PHF2: variants seen among roughly 807,000 people sequenced by gnomAD.
PHF2 encodes the protein PHD finger protein 2.
Under a neutral mutation model 120.5 loss-of-function variants are expected in PHF2, and 27 were observed. That is an observed-to-expected ratio of 0.22 (90% CI 0.17 to 0.31). The LOEUF is 0.31. PHF2 is among the 10% of genes least tolerant of loss of function. PHF2 has a pLI of 1.00. For synonymous variants in PHF2, 568 were observed against 592.5 expected, an observed-to-expected ratio of 0.96 and a Z score of 0.60; for missense variants, 1,024 against 1,434.8, an observed-to-expected ratio of 0.71 and a Z score of 4.63.
At chr9:93,619,241 G>T (rs117336374) in intron 1 of PHF2, among the ~76,000 whole-genome samples, 2,625 of 152,170 alleles carry the variant, frequency 0.017, 74 homozygotes, top group East Asian at 0.11. Context: ...CTCCTGGGAG[G>T]TCACAAGCTG....
In PHF2 at chr9:93,676,773, G is replaced by C. The variant is rs760792424; in HGVS notation, c.3012G>C (p.Ser1004=). 6.5e-7 allele frequency: 1 copy of C among 1,548,192 alleles called. No homozygotes were observed. The highest frequency in any genetic ancestry group is 8.7e-7 in the Non-Finnish European group (1 of 1,146,658). ...CCAGCACGGCCAGCAGCCAGGCCTC[G>C]CAGGAGGGCAGCTCGCCAGAGCCCC... is the stretch of plus-strand genomic sequence containing the variant. The part of the protein sequence containing the change: ...ASTSTASSQA[S]QEGSSPEPPP... Residue 1004 remains serine (S), a synonymous_variant, in exon 21 of 22, where the codon TCG becomes TCC. Transcript: ENST00000359246.
Position 93,678,043 on chromosome 9 carries a change from C to T in PHF2, c.*367C>T. 1 of 196,652 alleles carries T rather than the reference C, an allele frequency of 5.1e-6. No homozygotes were observed. The allele number at this position is 196,652 out of a possible 1,614,324, so 12.2% of individuals were successfully genotyped here. A position where few individuals can be genotyped will look rare whatever the true frequency, so the allele number is the denominator to read the frequency against. On this transcript the variant is annotated 3_prime_UTR_variant, in exon 22 of 22. Coordinates refer to ENST00000359246, the MANE Select transcript of PHF2 (RefSeq NM_005392.4). ...AGTCCTTCAAGGAAGACAGAGTGAG[C>T]CAATGCTCACCAGCCCCAGAGTCAG...
chr9:93,589,867 G>A (rs554948796), intron 1 of PHF2, among the ~76,000 whole-genome samples: 80 of 152,198 alleles, frequency 5.3e-4, no homozygotes, highest in Non-Finnish European at 9.6e-4. Flanking sequence ...AAACAGCAGT[G>A]CGCTGTGAAT....
rs775589704 is a variant in PHF2, at chr9:93,645,648, C to T, written c.319C>T (p.Arg107Cys). The T allele has an allele frequency of 2.1e-5, 33 of 1,604,084 alleles. No individual in the cohort carries two copies. Among genetic ancestry groups the T allele is most frequent in the African/African-American group, 2.7e-5 (2 of 74,726 alleles). Residue 107 changes from arginine to cysteine, a missense_variant, in exon 4 of 22, where the codon CGT becomes TGT. By Grantham distance (180) the Arg-to-Cys change is radical. Coordinates refer to ENST00000359246, the MANE Select transcript of PHF2 (RefSeq NM_005392.4). ...CTGCAGTGCTGAAGACGTGGTGGCCCGTGTGCCAGGAAGTCAGCTCACGCT... is the reference window on the plus strand; with the variant it reads ...CTGCAGTGCTGAAGACGTGGTGGCCTGTGTGCCAGGAAGTCAGCTCACGCT... The part of the protein sequence containing the change: ...TFPSAEDVVA[R>C]VPGSQLTLGY...
intron 1 of PHF2, among the ~76,000 whole-genome samples, chr9:93,591,600 A>AT (rs939957770): frequency 5.9e-5 from 9 of 152,174 alleles, no homozygotes; most frequent in African/African-American, 2.2e-4. Context: ...CTTACACTGA[A>AT]TTTTTTTCTC....
chr9:93,599,392 C>T (rs1455479437), intron 1 of PHF2, among the ~76,000 whole-genome samples: 1 of 152,208 alleles, frequency 6.6e-6, no homozygotes, highest in East Asian at 1.9e-4. Flanking sequence ...CAGGCCAGCT[C>T]CTGTTGCTCC....
In PHF2 at chr9:93,645,591, C is replaced by T. The variant is rs201297120; in HGVS notation, c.300-38C>T. On this transcript the variant is annotated intron_variant, in intron 3 of 21. Coordinates refer to ENST00000359246, the MANE Select transcript of PHF2 (RefSeq NM_005392.4). ...ACACCTGTCCCGGTGCAGGAGGCCTCGGGCCCAATGTGGCCTCTGACCTGT... is the reference window on the plus strand; with the variant it reads ...ACACCTGTCCCGGTGCAGGAGGCCTTGGGCCCAATGTGGCCTCTGACCTGT... The T allele has an allele frequency of 2.8e-3, 4,228 of 1,521,120 alleles. 13 individuals are homozygous for T. The highest frequency in any genetic ancestry group is 3.2e-3 in the Non-Finnish European group (3,659 of 1,128,970). The allele number at this position is 1,521,120 out of a possible 1,614,324, so 94.2% of individuals were successfully genotyped here. A position where few individuals can be genotyped will look rare whatever the true frequency, so the allele number is the denominator to read the frequency against.
intron 3 of PHF2, among the ~76,000 whole-genome samples, chr9:93,643,441 A>G (rs976586675): frequency 6.6e-6 from 1 of 152,148 alleles, no homozygotes. Flanking sequence ...GGTTGCCTGT[A>G]CACATTCTTT....
At chr9:93,634,287 T>G (rs1826055242) in intron 2 of PHF2, among the ~76,000 whole-genome samples, 1 of 152,090 alleles carries the variant, frequency 6.6e-6, no homozygotes, top group Non-Finnish European at 1.5e-5. Flanking sequence ...GTATTCACAG[T>G]CACTGAGGCT....
chr9:93,674,854 T>C (rs765568800), intron 18 of PHF2, 73 bp from the exon 19 acceptor site: 263 of 1,079,570 alleles, frequency 2.4e-4, no homozygotes, highest in Non-Finnish European at 3.5e-4. Context: ...TGCAGCCACC[T>C]GTACCCCCCC....
intron 18 of PHF2, among the ~76,000 whole-genome samples, chr9:93,674,456 C>A (rs1826871135): frequency 6.6e-6 from 1 of 152,148 alleles, no homozygotes; most frequent in Admixed American, 6.5e-5. Flanking sequence ...CAAACAGAAC[C>A]TTTCCTGGAG....
In PHF2 at chr9:93,672,532, A is replaced by T. The variant is rs1476505960; in HGVS notation, c.2349-1053A>T. 4 of 981,808 alleles carry T rather than the reference A, an allele frequency of 4.1e-6. No homozygotes were observed. In the African/African-American group the frequency reaches 7.2e-5, roughly 18 times the overall value. The allele number at this position is 981,808 out of a possible 1,614,324, so 60.8% of individuals were successfully genotyped here. On this transcript the variant is annotated intron_variant, in intron 17 of 21. Coordinates refer to ENST00000359246, the MANE Select transcript of PHF2 (RefSeq NM_005392.4). ...TGGGTGTAGGTACAGGTGCAGATGC[A>T]GGTGTGGGGGTAGGTATAGGTGTAG...
intron 1 of PHF2, among the ~76,000 whole-genome samples, chr9:93,594,516 C>A (rs1233638818): frequency 2.6e-5 from 4 of 152,198 alleles, no homozygotes; most frequent in Non-Finnish European, 5.9e-5. Context: ...GGGTGTACTT[C>A]CTCACCCCAA....
chr9:93,591,132 G>A (rs1399865883), intron 1 of PHF2, among the ~76,000 whole-genome samples: 1 of 152,178 alleles, frequency 6.6e-6, no homozygotes, highest in Non-Finnish European at 1.5e-5. Context: ...TGTGACCCAT[G>A]CTCACTCACA....
chr9:93,589,735 C>T (rs889223767), intron 1 of PHF2, among the ~76,000 whole-genome samples: 5 of 152,178 alleles, frequency 3.3e-5, no homozygotes, highest in Admixed American at 2.6e-4. Context: ...AGTGAGAATT[C>T]GAAAGAAATG....
intron 2 of PHF2, 118 bp downstream of exon 2, chr9:93,630,173 A>C (rs1161756484): frequency 4.2e-6 from 4 of 956,616 alleles, no homozygotes; most frequent in Non-Finnish European, 5.0e-6. Context: ...TGGGGGCAAA[A>C]CGCCCTGAGT....
At chr9:93,624,258 T>C (rs1314196049) in intron 1 of PHF2, among the ~76,000 whole-genome samples, 1 of 152,168 alleles carries the variant, frequency 6.6e-6, no homozygotes, top group East Asian at 1.9e-4. Context: ...ATGGAGTTTG[T>C]GATGGTGTTG....
chr9:93,663,173 A>C, intron 13 of PHF2, 147 bp downstream of exon 13: 2 of 1,154,354 alleles, frequency 1.7e-6, no homozygotes, highest in Non-Finnish European at 2.5e-6. Flanking sequence ...GGGTGTGCTT[A>C]CGTGGGTCTG....
Position 93,649,220 on chromosome 9 carries a change from C to A in PHF2, c.602+8C>A. The stretch of plus-strand genomic sequence containing the variant: ...CGAGTTCTCTGACACCCGGTGAGTG[C>A]TACCACCCTGGGGGTGTGGGGGCTG... On this transcript the variant is annotated splice_region_variant and intron_variant, in intron 5 of 21. Transcript: ENST00000359246. 1 of 1,485,268 alleles carries A rather than the reference C, an allele frequency of 6.7e-7. No individual in the cohort carries two copies. Among genetic ancestry groups the A allele is most frequent in the Non-Finnish European group, 9.1e-7 (1 of 1,098,222 alleles). 92.0% of individuals were successfully genotyped at this position (1,485,268 alleles called of 1,614,324 possible).
Sources: gnomAD v4.1 joint callset for allele counts (sites outside exome capture counted in the v4.1 genomes callset) on GRCh38, gnomAD v4.1.1 for gene constraint, MANE v1.5 for transcripts, NCBI Gene and HGNC (gene_info 2026-07-23, HGNC 2026-07-21) for gene names.